The following SLC30A8 variants were observed in gnomAD, a reference collection of about 807,000 sequenced individuals.
The protein encoded by SLC30A8 is solute carrier family 30 member 8, also known as proton-coupled zinc antiporter SLC30A8.
A neutral mutation model predicts 36.9 loss-of-function variants in SLC30A8; 27 were observed. The ratio of observed to expected loss-of-function variants is 0.73; its 90% CI spans 0.54 to 1.01. The LOEUF is 1.01. Among genes scored for constraint, SLC30A8 ranks in the 50% least tolerant of loss-of-function variants. SLC30A8 has a pLI of 0.00. For synonymous variants in SLC30A8, 164 were observed against 172.4 expected, an observed-to-expected ratio of 0.95 and a Z score of 0.38; for missense variants, 439 against 452.0, an observed-to-expected ratio of 0.97 and a Z score of 0.26.
At chr8:116,992,423 A>G (rs541930420) in intron 1 of SLC30A8, among the ~76,000 whole-genome samples, 14 of 152,314 alleles carry the variant, frequency 9.2e-5, no homozygotes, top group African/African-American at 3.1e-4. Flanking sequence ...TCAATAGGCA[A>G]AGAATGTACA....
intron 2 of SLC30A8, among the ~76,000 whole-genome samples, chr8:117,068,492 G>A (rs1413205630): frequency 1.3e-5 from 2 of 152,160 alleles, no homozygotes; most frequent in African/African-American, 2.4e-5. Flanking sequence ...ATTTTTGCAC[G>A]TAATTATCAT....
intron 2 of SLC30A8, among the ~76,000 whole-genome samples, chr8:117,064,997 T>G (rs905598095): frequency 2.0e-5 from 3 of 152,246 alleles, no homozygotes; most frequent in African/African-American, 7.2e-5. Context: ...GGAAATAAAC[T>G]CAATGTCTTT....
intron 1 of SLC30A8, among the ~76,000 whole-genome samples, chr8:116,996,158 A>T (rs1457673962): frequency 6.6e-6 from 1 of 152,172 alleles, no homozygotes; most frequent in Non-Finnish European, 1.5e-5. Context: ...ACCCATGACA[A>T]AGTGGATTGT....
chr8:117,116,481 A>G (rs1306329112), intron 2 of SLC30A8, among the ~76,000 whole-genome samples: 10 of 152,072 alleles, frequency 6.6e-5, no homozygotes, highest in African/African-American at 4.8e-5. Flanking sequence ...AATGCAAGAT[A>G]GAAAAAGGCA....
At chr8:117,071,875 T>G (rs994189263) in intron 2 of SLC30A8, among the ~76,000 whole-genome samples, 4 of 152,086 alleles carry the variant, frequency 2.6e-5, no homozygotes, top group African/African-American at 9.7e-5. Context: ...TCATCTCCCA[T>G]TAGCCTATCT....
At chr8:117,133,097 CTATA>C (rs1821201990), upstream of SLC30A8, among the ~76,000 whole-genome samples, 1 of 151,890 alleles carries the variant, frequency 6.6e-6, no homozygotes, top group African/African-American at 2.4e-5. Flanking sequence ...TTTTAGGTAT[CTATA>C]TATGTGTGCA....
At chr8:117,038,504 GA>G (rs780984224) in intron 1 of SLC30A8, among the ~76,000 whole-genome samples, 2 of 152,050 alleles carry the variant, frequency 1.3e-5, no homozygotes, top group Non-Finnish European at 2.9e-5. Context: ...GAACACACCA[GA>G]ACTCATTTGG....
chr8:116,984,685 A>G (rs1020484796), intron 1 of SLC30A8, among the ~76,000 whole-genome samples: 1 of 152,036 alleles, frequency 6.6e-6, no homozygotes, highest in Non-Finnish European at 1.5e-5. Flanking sequence ...CAATGGCTAC[A>G]AATGTCTGCT....
Position 117,032,878 on chromosome 8 carries a change from G to T in SLC30A8, c.-265-6341G>T, listed in dbSNP as rs1314022645. ...GCACTCCAGCCTGGGTGACAACAGC[G>T]AGACTCTGTCTTTAAAAAAAAAAAA... On this transcript the variant is annotated intron_variant, in intron 1 of 10. Coordinates refer to the SLC30A8 transcript ENST00000427715. Among the ~76,000 whole-genome samples, 3 of 151,154 alleles carry T rather than the reference G, an allele frequency of 2.0e-5. No homozygotes were observed. In the East Asian group the frequency reaches 5.8e-4, roughly 29 times the overall value.
At position 117,168,149 on chromosome 8, in the gene SLC30A8, AGTGAGATTTGG is replaced by A. The variant is rs138578830; in HGVS notation, c.830-2870_830-2860del. 5.6e-3 allele frequency among the ~76,000 whole-genome samples: 852 copies of A among 152,188 alleles called. 8 individuals carry two copies. Among genetic ancestry groups the A allele is most frequent in the African/African-American group, 0.017 (705 of 41,480 alleles). On this transcript the variant is annotated intron_variant, in intron 6 of 7. Transcript: ENST00000456015. Reference sequence around the variant, plus strand: ...ACACGTGGGGATCATTACAATTAAAAGTGAGATTTGGGTGAGATTTGGGTGGGGACACAGCC... The same window carrying A: ...ACACGTGGGGATCATTACAATTAAAAGTGAGATTTGGGTGGGGACACAGCC...
chr8:116,966,690 GT>G lies in SLC30A8; in HGVS notation c.-266+15572del, dbSNP rs796516876. 4.6e-5 allele frequency among the ~76,000 whole-genome samples: 7 copies of G among 152,258 alleles called. No individual in the cohort carries two copies. In the South Asian group the frequency reaches 8.3e-4, roughly 18 times the overall value. Reference sequence around the variant, plus strand: ...CACAGAAAACCTATTTTAGAAAAGAGTAATAAGAATCTCAGTTCTCCTAGCT... The same window carrying G: ...CACAGAAAACCTATTTTAGAAAAGAGAATAAGAATCTCAGTTCTCCTAGCT... On this transcript the variant is annotated intron_variant, in intron 1 of 10. Transcript: ENST00000427715.
At chr8:117,006,967 TTTTTTTTTTTTTTTTTTC>T (rs1354810879) in intron 1 of SLC30A8, 2 of 94,032 alleles carry the variant, frequency 2.1e-5, no homozygotes, top group East Asian at 6.1e-4. Context: ...TTTTTTTTTT[TTTTTTTTTTTTTTTTTTC>T]TGTAGAGACA....
intron 1 of SLC30A8, among the ~76,000 whole-genome samples, chr8:117,145,603 A>G (rs1821860711): frequency 6.6e-6 from 1 of 152,068 alleles, no homozygotes; most frequent in African/African-American, 2.4e-5. Flanking sequence ...CAAGACTCTT[A>G]TTTATTTCTG....
At chr8:117,072,642 T>C (rs1818365129) in intron 2 of SLC30A8, among the ~76,000 whole-genome samples, 1 of 152,190 alleles carries the variant, frequency 6.6e-6, no homozygotes, top group Non-Finnish European at 1.5e-5. Context: ...TATTTTATTG[T>C]CATCACCTAC....
At chr8:117,089,833 G>A (rs1425645342) in intron 2 of SLC30A8, among the ~76,000 whole-genome samples, 1 of 152,020 alleles carries the variant, frequency 6.6e-6, no homozygotes. Flanking sequence ...ACTTCCTCAT[G>A]CACATTGCTT....
chr8:116,974,879 C>G (rs1262255122), intron 1 of SLC30A8, among the ~76,000 whole-genome samples: 1 of 151,938 alleles, frequency 6.6e-6, no homozygotes, highest in African/African-American at 2.4e-5. Context: ...AGTTCATGTC[C>G]TTTGTAGGGA....
chr8:117,138,083 AAAAG>A (rs1170826221), intron 1 of SLC30A8, among the ~76,000 whole-genome samples: 5 of 150,590 alleles, frequency 3.3e-5, no homozygotes, highest in East Asian at 2.0e-4. Context: ...AAAAAAAAGA[AAAAG>A]AAAAAAAAAA....
intron 1 of SLC30A8, among the ~76,000 whole-genome samples, chr8:117,014,839 G>A (rs1816460925): frequency 6.6e-6 from 1 of 152,086 alleles, no homozygotes; most frequent in African/African-American, 2.4e-5. Context: ...CTGTGGGAGA[G>A]GGATGGATTT....
chr8:117,044,559 T>G (rs1817486501), intron 2 of SLC30A8, among the ~76,000 whole-genome samples: 1 of 152,190 alleles, frequency 6.6e-6, no homozygotes, highest in Non-Finnish European at 1.5e-5. Context: ...CTAAGGCGTG[T>G]CAGCGGGTTG....
Sources: gnomAD v4.1 joint callset for allele counts (sites outside exome capture counted in the v4.1 genomes callset) on GRCh38, gnomAD v4.1.1 for gene constraint, MANE v1.5 for transcripts, NCBI Gene and HGNC (gene_info 2026-07-23, HGNC 2026-07-21) for gene names.